The following ANO1 variants were observed in gnomAD, a reference collection of about 807,000 sequenced individuals.
The protein encoded by ANO1 is anoctamin-1.
Under a neutral mutation model 124.0 loss-of-function variants are expected in ANO1, and 59 were observed. That is an observed-to-expected ratio of 0.48 (90% CI 0.39 to 0.59). The LOEUF is 0.59. ANO1 is among the 20% of genes least tolerant of loss of function. ANO1 has a pLI of 0.00. For missense variants in ANO1, 1,059 were observed against 1,328.0 expected, an observed-to-expected ratio of 0.80 and a Z score of 3.15; for synonymous variants, 529 against 532.0, an observed-to-expected ratio of 0.99 and a Z score of 0.08.
intron 1 of ANO1, among the ~76,000 whole-genome samples, chr11:70,086,232 G>A (rs964332181): frequency 2.6e-5 from 4 of 152,186 alleles, no homozygotes; most frequent in Non-Finnish European, 5.9e-5. Flanking sequence ...ACCCAGCATG[G>A]CTTTTTTTAT....
upstream of ANO1, among the ~76,000 whole-genome samples, chr11:69,982,140 C>T (rs1855964973): frequency 6.6e-6 from 1 of 152,150 alleles, no homozygotes; most frequent in African/African-American, 2.4e-5. Context: ...TAAATGCCAC[C>T]GAGTTGAACA....
chr11:70,000,116 G>C (rs1321197154), intron 1 of ANO1, among the ~76,000 whole-genome samples: 1 of 152,140 alleles, frequency 6.6e-6, no homozygotes, highest in Non-Finnish European at 1.5e-5. Context: ...ACCAAGTGAG[G>C]TCACTTTTTG....
intron 11 of ANO1, among the ~76,000 whole-genome samples, chr11:70,140,417 G>C (rs1312853205): frequency 6.6e-6 from 1 of 152,034 alleles, no homozygotes; most frequent in Non-Finnish European, 1.5e-5. Context: ...TGTAATCCCA[G>C]CTACTCAGGA....
At chr11:70,056,608 T>C (rs1555006899) in intron 1 of ANO1, 1 of 152,106 alleles carries the variant, frequency 6.6e-6, no homozygotes, top group African/African-American at 2.4e-5. Flanking sequence ...AAACTGGCAT[T>C]ATGCAAATAT....
chr11:70,021,139 A>T (rs571853797), intron 1 of ANO1: 3 of 152,264 alleles, frequency 2.0e-5, no homozygotes, highest in Non-Finnish European at 4.4e-5. Flanking sequence ...CTACGCTCCC[A>T]AACGCATGCC....
intron 1 of ANO1, among the ~76,000 whole-genome samples, chr11:70,002,576 C>G (rs1371002443): frequency 6.6e-6 from 1 of 152,146 alleles, no homozygotes; most frequent in Admixed American, 6.5e-5. Flanking sequence ...CGCCATACAG[C>G]CTAGCTGTGC....
intron 2 of ANO1, among the ~76,000 whole-genome samples, chr11:70,100,783 G>A (rs1234389106): frequency 6.6e-6 from 1 of 152,220 alleles, no homozygotes; most frequent in Non-Finnish European, 1.5e-5. Flanking sequence ...ACGCAGCAGG[G>A]ACCGGCACGG....
intron 25 of ANO1, 40 bp downstream of exon 25, chr11:70,185,735 A>C (rs2049094669): frequency 6.3e-7 from 1 of 1,593,788 alleles, no homozygotes; most frequent in Non-Finnish European, 8.6e-7. Context: ...TGAAGATGGG[A>C]GCATTTAGGG....
intron 1 of ANO1, among the ~76,000 whole-genome samples, chr11:70,059,255 G>A (rs1349304775): frequency 2.7e-5 from 4 of 149,916 alleles, no homozygotes; most frequent in African/African-American, 9.8e-5. Flanking sequence ...GGAGGCTGAG[G>A]CAGGAGAATG....
chr11:70,095,342 A>G (rs1431547752), intron 2 of ANO1, among the ~76,000 whole-genome samples: 1 of 128,912 alleles, frequency 7.8e-6, no homozygotes. Flanking sequence ...AGGAAAGAGA[A>G]AGAAAAAGAA....
intron 1 of ANO1, among the ~76,000 whole-genome samples, chr11:70,015,490 G>C (rs1169100743): frequency 6.6e-6 from 1 of 152,200 alleles, no homozygotes; most frequent in African/African-American, 2.4e-5. Flanking sequence ...GCCCAGCCCT[G>C]GGCGGGTGGG....
chr11:70,042,513 C>CAGAG lies in ANO1; in HGVS notation c.59-36007_59-36004dup, dbSNP rs140488432. Among the ~76,000 whole-genome samples the CAGAG allele has an allele frequency of 8.8e-3, 1,304 of 148,508 alleles. 17 individuals are homozygous for CAGAG. The highest frequency in any genetic ancestry group is 0.031 in the African/African-American group (1,243 of 40,558). ...ACGCACACACACACATACATATACACAGAGAGAGAGAGAGAGAGAGAGAGA... is the reference window on the plus strand; with the variant it reads ...ACGCACACACACACATACATATACACAGAGAGAGAGAGAGAGAGAGAGAGAGAGA... On this transcript the variant is annotated intron_variant, in intron 1 of 27. Coordinates refer to the ANO1 transcript ENST00000531349.
chr11:70,157,388 T>C (rs1484990784), intron 16 of ANO1, among the ~76,000 whole-genome samples: 2 of 112,810 alleles, frequency 1.8e-5, no homozygotes, highest in Non-Finnish European at 1.9e-5. Flanking sequence ...AAAAAAAGGA[T>C]GCGATTGGTG....
intron 2 of ANO1, among the ~76,000 whole-genome samples, chr11:70,101,760 C>A (rs1353195996): frequency 6.6e-6 from 1 of 152,030 alleles, no homozygotes; most frequent in Non-Finnish European, 1.5e-5. Flanking sequence ...GGATGAGGTC[C>A]CGGCCGGCAC....
intron 1 of ANO1, among the ~76,000 whole-genome samples, chr11:70,034,850 C>G (rs1337269817): frequency 6.6e-6 from 1 of 152,138 alleles, no homozygotes; most frequent in Non-Finnish European, 1.5e-5. Flanking sequence ...CACACAGGGG[C>G]AGCCAGAGGC....
At position 70,188,918 on chromosome 11, in the gene ANO1, T is replaced by C. The variant is rs1301748478; in HGVS notation, c.*914T>C. 2 of 151,882 alleles carry C rather than the reference T, an allele frequency of 1.3e-5. No homozygotes were observed. Among genetic ancestry groups the C allele is most frequent in the Non-Finnish European group, 2.9e-5 (2 of 67,940 alleles). 9.4% of individuals were successfully genotyped at this position (151,882 alleles called of 1,614,324 possible). The stretch of plus-strand genomic sequence containing the variant: ...TTTCAAATATCAATTATATGGTAGA[T>C]TGAGGATTTTTTTTCTGTAGCTCAA... On this transcript the variant is annotated 3_prime_UTR_variant, in exon 26 of 26. Transcript: ENST00000355303.
At chr11:70,093,221 CTT>C (rs1448430915) in intron 2 of ANO1, among the ~76,000 whole-genome samples, 1 of 149,086 alleles carries the variant, frequency 6.7e-6, no homozygotes, top group East Asian at 2.0e-4. Context: ...CTCTCTCTCT[CTT>C]CCCACCTCCC....
chr11:70,169,753 C>A (rs745961618), intron 21 of ANO1, among the ~76,000 whole-genome samples: 11 of 152,120 alleles, frequency 7.2e-5, no homozygotes, highest in Non-Finnish European at 1.6e-4. Flanking sequence ...CCGCCATGGC[C>A]CATCCTACCT....
At chr11:70,054,107 G>A (rs1316723552) in intron 1 of ANO1, among the ~76,000 whole-genome samples, 2 of 152,160 alleles carry the variant, frequency 1.3e-5, no homozygotes, top group East Asian at 3.9e-4. Flanking sequence ...CTCAGACCCA[G>A]GCAAGAGGGG....
Sources: gnomAD v4.1 joint callset for allele counts (sites outside exome capture counted in the v4.1 genomes callset) on GRCh38, gnomAD v4.1.1 for gene constraint, MANE v1.5 for transcripts, NCBI Gene and HGNC (gene_info 2026-07-23, HGNC 2026-07-21) for gene names.